The following FHIT variants were observed in gnomAD, a reference collection of about 807,000 sequenced individuals.
FHIT encodes the protein bis(5'-adenosyl)-triphosphatase.
A neutral mutation model predicts 17.9 loss-of-function variants in FHIT; 19 were observed. That is an observed-to-expected ratio of 1.06 (90% CI 0.74 to 1.56). The LOEUF (loss-of-function observed/expected upper bound fraction) is 1.56, where lower values mean the gene tolerates loss of function less well. FHIT is among the 40% of genes most tolerant of loss of function. FHIT has a pLI of 0.00. For synonymous variants in FHIT, 81 were observed against 69.7 expected, an observed-to-expected ratio of 1.16 and a Z score of -0.81; for missense variants, 248 against 189.2, an observed-to-expected ratio of 1.31 and a Z score of -1.82.
chr3:60,227,600 G>A (rs992594894), intron 5 of FHIT, among the ~76,000 whole-genome samples: 2 of 152,100 alleles, frequency 1.3e-5, no homozygotes, highest in Non-Finnish European at 2.9e-5. Flanking sequence ...AACAATCAAC[G>A]AACACTGATT....
chr3:61,086,355 A>G (rs2118814), intron 2 of FHIT, among the ~76,000 whole-genome samples: 2,472 of 152,228 alleles, frequency 0.016, 68 homozygotes, highest in African/African-American at 0.057. Context: ...CTGTTATTAC[A>G]TCATTTGATT....
chr3:60,507,130 A>C (rs2034763902), intron 5 of FHIT, among the ~76,000 whole-genome samples: 1 of 152,200 alleles, frequency 6.6e-6, no homozygotes, highest in South Asian at 2.1e-4. Context: ...CATATAATAA[A>C]GGAAAGTGGC....
At chr3:60,205,028 A>G (rs1282805645) in intron 5 of FHIT, among the ~76,000 whole-genome samples, 1 of 151,774 alleles carries the variant, frequency 6.6e-6, no homozygotes, top group Non-Finnish European at 1.5e-5. Context: ...CCTGGGAGGC[A>G]GAGGTTACAG....
chr3:61,206,421 T>G, intron 1 of FHIT, among the ~76,000 whole-genome samples: 1 of 151,318 alleles, frequency 6.6e-6, no homozygotes, highest in Non-Finnish European at 1.5e-5. Context: ...TATGGCCATT[T>G]TGACAATATT....
intron 5 of FHIT, among the ~76,000 whole-genome samples, chr3:60,212,830 C>A (rs772443604): frequency 6.6e-6 from 1 of 152,116 alleles, no homozygotes; most frequent in Non-Finnish European, 1.5e-5. Context: ...AAGGACATGG[C>A]GGAGCAATCC....
intron 4 of FHIT, among the ~76,000 whole-genome samples, chr3:60,820,494 AG>A (rs1308846498): frequency 1.1e-4 from 17 of 152,234 alleles, no homozygotes; most frequent in African/African-American, 3.9e-4. Flanking sequence ...GACCTGCCAG[AG>A]AAAAATCTGG....
At chr3:60,728,588 G>GT (rs1247053991) in intron 4 of FHIT, among the ~76,000 whole-genome samples, 20 of 151,244 alleles carry the variant, frequency 1.3e-4, no homozygotes, top group Non-Finnish European at 2.5e-4. Context: ...GTTTTGCGTC[G>GT]TTTTTTTAAA....
chr3:60,589,575 C>G (rs547551137), intron 4 of FHIT, among the ~76,000 whole-genome samples: 1 of 152,190 alleles, frequency 6.6e-6, no homozygotes, highest in South Asian at 2.1e-4. Context: ...AAGGAACACT[C>G]TTCTTCATAT....
chr3:60,971,225 C>T (rs7371876), intron 3 of FHIT, among the ~76,000 whole-genome samples: 37,629 of 151,916 alleles, frequency 0.25, 5,856 homozygotes, highest in East Asian at 0.62. Flanking sequence ...CAAAAGTTAG[C>T]CGAGCATGGT....
rs73112315 is a variant in FHIT, at chr3:61,111,166, T to G, written c.-163-69067A>C. ...AGCTACCCCTAAAGCAGAGATGGTC[T>G]TGAGCATATCATTTACCCACTTTAA... On this transcript the variant is annotated intron_variant, in intron 2 of 9. Coordinates refer to ENST00000492590, the MANE Select transcript of FHIT (RefSeq NM_002012.4). Among the ~76,000 whole-genome samples the G allele has an allele frequency of 9.8e-3, 1,493 of 152,316 alleles. 11 individuals carry two copies. Among genetic ancestry groups the G allele is most frequent in the Non-Finnish European group, 0.013 (893 of 68,018 alleles).
At position 60,863,516 on chromosome 3, in the gene FHIT, G is replaced by A. The variant is rs566727820; in HGVS notation, c.-110-41505C>T. Among the ~76,000 whole-genome samples, 288 of 152,262 alleles carry A rather than the reference G, an allele frequency of 1.9e-3. 2 individuals carry two copies. The South Asian group carries it at 0.024, about 13-fold the overall frequency. On this transcript the variant is annotated intron_variant, in intron 3 of 9. Transcript: ENST00000492590. The stretch of plus-strand genomic sequence containing the variant: ...GAAAAGAAAGGGTTTAAGAAAATAG[G>A]TATTAAAGTATGCCTTATCACCTTA...
intron 4 of FHIT, among the ~76,000 whole-genome samples, chr3:60,644,555 G>C (rs1046747859): frequency 7.9e-5 from 12 of 152,168 alleles, no homozygotes; most frequent in African/African-American, 2.7e-4. Flanking sequence ...TAACGAGTAT[G>C]CTGAACAAGC....
intron 8 of FHIT, among the ~76,000 whole-genome samples, chr3:59,867,233 A>C (rs1030896437): frequency 1.0e-5 from 1 of 97,520 alleles, no homozygotes; most frequent in Non-Finnish European, 2.1e-5. Context: ...GATCACCGAC[A>C]TTCTCTTTGT....
At chr3:61,157,221 T>C (rs2037557285) in intron 2 of FHIT, among the ~76,000 whole-genome samples, 1 of 152,142 alleles carries the variant, frequency 6.6e-6, no homozygotes, top group African/African-American at 2.4e-5. Context: ...GCACATTTAA[T>C]GTGTGCGCAG....
intron 4 of FHIT, among the ~76,000 whole-genome samples, chr3:60,552,740 A>T (rs995374858): frequency 1.3e-5 from 2 of 152,156 alleles, no homozygotes; most frequent in African/African-American, 4.8e-5. Flanking sequence ...TGCCCCCAGC[A>T]CTCTCAATGA....
intron 4 of FHIT, among the ~76,000 whole-genome samples, chr3:60,818,745 G>A (rs976813975): frequency 3.3e-5 from 5 of 152,088 alleles, no homozygotes; most frequent in Non-Finnish European, 5.9e-5. Flanking sequence ...TCCCCTCTCT[G>A]CCTCTCTTCT....
intron 5 of FHIT, among the ~76,000 whole-genome samples, chr3:60,390,436 C>G (rs1336232585): frequency 7.3e-6 from 1 of 136,374 alleles, no homozygotes; most frequent in African/African-American, 3.0e-5. Flanking sequence ...AAACCCGTAC[C>G]CTCTAGTATT....
chr3:60,712,550 C>A (rs1485014502), intron 4 of FHIT, among the ~76,000 whole-genome samples: 8 of 151,926 alleles, frequency 5.3e-5, no homozygotes, highest in South Asian at 2.1e-4. Context: ...TACAGAGACA[C>A]ACATAGGCTC....
intron 5 of FHIT, among the ~76,000 whole-genome samples, chr3:60,095,297 T>C (rs1431763770): frequency 6.6e-6 from 1 of 152,192 alleles, no homozygotes; most frequent in African/African-American, 2.4e-5. Flanking sequence ...GTGGAATGTT[T>C]AAAGATCTGT....
Sources: allele counts gnomAD v4.1 joint callset (sites outside exome capture counted in the v4.1 genomes callset), GRCh38; gene constraint gnomAD v4.1.1; transcripts MANE v1.5; gene names NCBI Gene and HGNC (gene_info 2026-07-23, HGNC 2026-07-21).